SNTG2: variants seen among roughly 807,000 people sequenced by gnomAD.
The protein encoded by SNTG2 is syntrophin gamma 2.
In SNTG2, 74 loss-of-function variants were observed where a neutral mutation model predicts 70.9. That is an observed-to-expected ratio of 1.04 (90% confidence interval 0.86 to 1.27). The LOEUF (loss-of-function observed/expected upper bound fraction) is 1.27, where lower values mean the gene tolerates loss of function less well. Ranked by LOEUF, SNTG2 falls within the 50% of genes most tolerant of loss-of-function variation. The pLI is 0.00. For synonymous variants in SNTG2, 278 were observed against 273.8 expected (o/e 1.02, Z -0.15); for missense variants, 717 against 690.7 (o/e 1.04, Z -0.43).
At chr2:1,289,723 T>C (rs1226099450) in intron 14 of SNTG2, among the ~76,000 whole-genome samples, 2 of 152,192 alleles carry the variant, frequency 1.3e-5, no homozygotes, top group Non-Finnish European at 1.5e-5. Flanking sequence ...TGTTCAGCTG[T>C]CACCACCATC....
chr2:1,316,987 G>A, intron 16 of SNTG2, among the ~76,000 whole-genome samples: 1 of 117,262 alleles, frequency 8.5e-6, no homozygotes, highest in Admixed American at 9.2e-5. Flanking sequence ...AGAAGGTTGG[G>A]ATTCTGGAGC....
At chr2:1,281,421 G>GTGTGTGTA (rs1475846141) in intron 14 of SNTG2, among the ~76,000 whole-genome samples, 2,939 of 55,948 alleles carry the variant, frequency 0.053, 236 homozygotes, top group African/African-American at 0.16. Context: ...GTGTGTGTGT[G>GTGTGTGTA]TGTGGTGTGG....
intron 9 of SNTG2, chr2:1,219,817 T>C (rs542530216): frequency 6.6e-6 from 1 of 152,220 alleles, no homozygotes; most frequent in East Asian, 1.9e-4. Flanking sequence ...ACATCTACCA[T>C]GTTTTTTAAA....
intron 14 of SNTG2, among the ~76,000 whole-genome samples, chr2:1,278,209 T>C (rs972339438): frequency 6.6e-6 from 1 of 152,190 alleles, no homozygotes; most frequent in Non-Finnish European, 1.5e-5. Flanking sequence ...TTGGGACAAC[T>C]CAATCAAGTA....
At chr2:1,305,688 CTA>C (rs1411630933) in intron 14 of SNTG2, among the ~76,000 whole-genome samples, 3 of 152,152 alleles carry the variant, frequency 2.0e-5, no homozygotes, top group African/African-American at 4.8e-5. Context: ...ATGAGACACT[CTA>C]TGTGTCTGGG....
chr2:1,216,406 GTTT>G (rs549606462), intron 9 of SNTG2, among the ~76,000 whole-genome samples: 2 of 152,068 alleles, frequency 1.3e-5, no homozygotes, highest in Non-Finnish European at 2.9e-5. Context: ...GGGGTTGTTT[GTTT>G]TTTTCTTGTA....
At chr2:1,021,888 A>C (rs1408025908) in intron 1 of SNTG2, among the ~76,000 whole-genome samples, 1 of 150,002 alleles carries the variant, frequency 6.7e-6, no homozygotes, top group African/African-American at 2.5e-5. Context: ...AAAGTGCTGC[A>C]ATTAAAAGTG....
intron 15 of SNTG2, among the ~76,000 whole-genome samples, chr2:1,312,436 G>T (rs982195655): frequency 2.0e-5 from 3 of 152,160 alleles, no homozygotes; most frequent in African/African-American, 7.2e-5. Flanking sequence ...ACATCGACAA[G>T]AATAGAACCC....
At chr2:1,277,561 A>C (rs1050600340) in intron 14 of SNTG2, among the ~76,000 whole-genome samples, 1 of 152,222 alleles carries the variant, frequency 6.6e-6, no homozygotes, top group Non-Finnish European at 1.5e-5. Flanking sequence ...CCCAGAAACC[A>C]AAAAATTAGT....
chr2:1,074,581 T>G (rs1163139807), intron 1 of SNTG2, among the ~76,000 whole-genome samples: 3 of 152,198 alleles, frequency 2.0e-5, no homozygotes, highest in Non-Finnish European at 4.4e-5. Flanking sequence ...GATAAGACTA[T>G]TTTGTAATTC....
chr2:1,282,933 A>G (rs1326147913), intron 14 of SNTG2, among the ~76,000 whole-genome samples: 1 of 152,208 alleles, frequency 6.6e-6, no homozygotes, highest in Non-Finnish European at 1.5e-5. Flanking sequence ...CTGCACATCT[A>G]TTTTCTAAAT....
intron 13 of SNTG2, 94 bp from the exon 14 acceptor site, chr2:1,267,271 T>C: frequency 8.4e-7 from 1 of 1,191,816 alleles, no homozygotes; most frequent in East Asian, 2.6e-5. Flanking sequence ...GTTTCCCAGA[T>C]CACGCAAACG....
chr2:1,234,622 C>T (rs1205931705), intron 9 of SNTG2, among the ~76,000 whole-genome samples: 3 of 152,176 alleles, frequency 2.0e-5, no homozygotes, highest in Non-Finnish European at 4.4e-5. Context: ...GCCTGGACTG[C>T]AGACGCCTTC....
intron 9 of SNTG2, among the ~76,000 whole-genome samples, chr2:1,209,507 C>A (rs1350848474): frequency 6.6e-6 from 1 of 152,166 alleles, no homozygotes; most frequent in Non-Finnish European, 1.5e-5. Flanking sequence ...AAAAGAAATT[C>A]TATTTTTAGT....
intron 4 of SNTG2, among the ~76,000 whole-genome samples, chr2:1,100,609 G>A (rs113333388): frequency 3.0e-4 from 45 of 152,304 alleles, no homozygotes; most frequent in African/African-American, 9.9e-4. Flanking sequence ...CGGGCGCCGT[G>A]GGTCCACCGT....
At chr2:1,080,282 A>G (rs1477301480) in intron 1 of SNTG2, among the ~76,000 whole-genome samples, 1 of 152,186 alleles carries the variant, frequency 6.6e-6, no homozygotes, top group Non-Finnish European at 1.5e-5. Context: ...GCAGGATGAT[A>G]TGGCCTCTGT....
At chr2:1,192,246 C>T (rs1445331141) in intron 8 of SNTG2, among the ~76,000 whole-genome samples, 1 of 152,018 alleles carries the variant, frequency 6.6e-6, no homozygotes, top group Non-Finnish European at 1.5e-5. Context: ...GCTGTGTTTT[C>T]TGTTTAGGTG....
intron 16 of SNTG2, among the ~76,000 whole-genome samples, chr2:1,364,146 AT>A (rs57194458): frequency 0.022 from 3,282 of 147,274 alleles, 110 homozygotes; most frequent in African/African-American, 0.071. Flanking sequence ...AATTTTTAGT[AT>A]TTTTTTTTTT....
Position 1,317,890 on chromosome 2 carries a change from A to C in SNTG2, c.1488+1515A>C, listed in dbSNP as rs1269882171. On this transcript the variant is annotated intron_variant, in intron 16 of 16. Transcript: ENST00000308624. ...CCTAAAATGGTGACCATTGAAACAA[A>C]GTATTTGATTTTACTAAAATGTACA... Among the ~76,000 whole-genome samples the C allele has an allele frequency of 2.6e-5, 4 of 152,240 alleles. 1 individual carries two copies. The highest frequency in any genetic ancestry group is 9.6e-5 in the African/African-American group (4 of 41,468).
Sources: allele counts gnomAD v4.1 joint callset (sites outside exome capture counted in the v4.1 genomes callset), GRCh38; gene constraint gnomAD v4.1.1; transcripts MANE v1.5; gene names NCBI Gene and HGNC (gene_info 2026-07-23, HGNC 2026-07-21).